The following C3orf33 variants were observed in gnomAD, a reference collection of about 807,000 sequenced individuals.
C3orf33 encodes the protein mitochondrial inner membrane subdomain organizer 1.
C3orf33 carries 23 observed loss-of-function variants against 28.7 expected under a neutral mutation model. The ratio of observed to expected loss-of-function variants is 0.80; its 90% CI spans 0.58 to 1.13. C3orf33 has a LOEUF of 1.13. C3orf33 is among the 50% of genes most tolerant of loss of function. C3orf33 has a pLI of 0.00. For missense variants in C3orf33, 327 were observed against 353.4 expected (o/e 0.93, Z 0.60); for synonymous variants, 119 against 120.5 (o/e 0.99, Z 0.08).
chr3:155,765,420 T>C (rs143636507), intron 4 of C3orf33, among the ~76,000 whole-genome samples: 1 of 152,378 alleles, frequency 6.6e-6, no homozygotes, highest in South Asian at 2.1e-4. Context: ...GCTACCTTTA[T>C]CATCGTCATA....
intron 2 of C3orf33, among the ~76,000 whole-genome samples, chr3:155,796,699 CCAGA>C (rs1299269087): frequency 6.6e-6 from 1 of 152,134 alleles, no homozygotes; most frequent in Non-Finnish European, 1.5e-5. Flanking sequence ...GATACCAAAA[CCAGA>C]CAAAGACACA....
At chr3:155,805,122 T>C in intron 1 of C3orf33, among the ~76,000 whole-genome samples, 1 of 146,788 alleles carries the variant, frequency 6.8e-6, no homozygotes, top group African/African-American at 2.5e-5. Flanking sequence ...AACATGTCCC[T>C]CTCTTGCTTC....
At chr3:155,795,856 T>TGA (rs1751461205) in intron 2 of C3orf33, among the ~76,000 whole-genome samples, 1 of 151,944 alleles carries the variant, frequency 6.6e-6, no homozygotes, top group South Asian at 2.1e-4. Context: ...ATCAGGAGGC[T>TGA]GAGGCAGAAG....
At chr3:155,788,062 G>T (rs544403763) in intron 2 of C3orf33, among the ~76,000 whole-genome samples, 1 of 151,832 alleles carries the variant, frequency 6.6e-6, no homozygotes, top group African/African-American at 2.4e-5. Flanking sequence ...GTGGTGGCGG[G>T]CGCCTGTAGT....
chr3:155,790,621 C>A (rs1233631325), intron 2 of C3orf33, among the ~76,000 whole-genome samples: 4 of 152,204 alleles, frequency 2.6e-5, no homozygotes, highest in Non-Finnish European at 5.9e-5. Context: ...CCCTTTGCAG[C>A]AGCTGCGTGG....
chr3:155,802,471 T>C (rs1182520700), intron 2 of C3orf33, 61 bp downstream of exon 2: 24 of 1,259,532 alleles, frequency 1.9e-5, no homozygotes, highest in Non-Finnish European at 2.8e-5. Context: ...ATAAAAATTG[T>C]CTGAAATGGA....
At chr3:155,777,497 G>C (rs1750789506) in intron 2 of C3orf33, among the ~76,000 whole-genome samples, 1 of 151,752 alleles carries the variant, frequency 6.6e-6, no homozygotes, top group South Asian at 2.1e-4. Flanking sequence ...CTGCAGCTCA[G>C]TGGCATAATC....
chr3:155,782,105 G>A (rs928316699), intron 2 of C3orf33, among the ~76,000 whole-genome samples: 1 of 149,522 alleles, frequency 6.7e-6, no homozygotes, highest in Non-Finnish European at 1.5e-5. Flanking sequence ...CAGCTACTCA[G>A]CAGGCTGAGC....
chr3:155,804,382 CAT>C (rs1051652384), intron 1 of C3orf33, among the ~76,000 whole-genome samples: 35 of 152,286 alleles, frequency 2.3e-4, no homozygotes, highest in African/African-American at 8.2e-4. Context: ...CCAATTAACA[CAT>C]ATATTATTTA....
chr3:155,764,804 C>T (rs779424860), intron 4 of C3orf33, among the ~76,000 whole-genome samples: 5 of 151,450 alleles, frequency 3.3e-5, no homozygotes, highest in Admixed American at 6.6e-5. Flanking sequence ...TGCAGTGAGC[C>T]GAGATCACAC....
At chr3:155,769,679 A>G (rs532839828) in intron 3 of C3orf33, among the ~76,000 whole-genome samples, 1 of 152,294 alleles carries the variant, frequency 6.6e-6, no homozygotes, top group South Asian at 2.1e-4. Flanking sequence ...CCAATCCTGT[A>G]ATGTTGCCAA....
chr3:155,773,607 T>C (rs1358530696), intron 3 of C3orf33, among the ~76,000 whole-genome samples: 1 of 152,226 alleles, frequency 6.6e-6, no homozygotes, highest in African/African-American at 2.4e-5. Context: ...ATTACATAAA[T>C]ACTTTATTAT....
At chr3:155,774,011 T>A (rs1750665897) in intron 3 of C3orf33, among the ~76,000 whole-genome samples, 1 of 152,200 alleles carries the variant, frequency 6.6e-6, no homozygotes, top group African/African-American at 2.4e-5. Context: ...TTTACAGTTG[T>A]ACATTATTGA....
At chr3:155,764,944 A>C (rs547978815) in intron 4 of C3orf33, among the ~76,000 whole-genome samples, 12 of 152,288 alleles carry the variant, frequency 7.9e-5, no homozygotes, top group African/African-American at 2.9e-4. Context: ...GTGTTAATAA[A>C]ATTTTGTTCC....
chr3:155,778,532 G>A lies in C3orf33; in HGVS notation c.175-2684C>T, dbSNP rs1021996443. ...ATCTAGGTGAAAGGAAAATGAATGT[G>A]ACAAAATTTTTTAGGAGAAAAAGTT... On this transcript the variant is annotated intron_variant, in intron 2 of 4. Transcript: ENST00000340171. 5.9e-5 allele frequency among the ~76,000 whole-genome samples: 9 copies of A among 152,270 alleles called. No individual in the cohort carries two copies. In the East Asian group the frequency reaches 1.7e-3, roughly 29 times the overall value.
rs944638492 is a variant in C3orf33 at position 155,775,796 on chromosome 3, T to C, written c.227A>G (p.Asn76Ser). 7 of 1,598,450 alleles carry C rather than the reference T, an allele frequency of 4.4e-6. No homozygotes were observed. Among genetic ancestry groups the C allele is most frequent in the Non-Finnish European group, 6.0e-6 (7 of 1,167,420 alleles). ...GCGTAATCGTCCACGTAGTTTAACA[T>C]TTCTTCTTATAAATTCTACTGGAAT... ...SDIPVEFIRR[N>S]VKLRGRLRRI... The change falls in exon 3 of 5, where the codon AAT becomes AGT. Residue 76 changes from asparagine (N) to serine (S), a missense_variant. Transcript: ENST00000340171.
chr3:155,768,582 GA>G (rs1444460107), intron 3 of C3orf33, among the ~76,000 whole-genome samples: 1 of 151,856 alleles, frequency 6.6e-6, no homozygotes, highest in African/African-American at 2.4e-5. Flanking sequence ...TCCAAAAAGG[GA>G]TAACAGCTGA....
At chr3:155,801,682 C>T (rs1751654749) in intron 2 of C3orf33, among the ~76,000 whole-genome samples, 1 of 151,864 alleles carries the variant, frequency 6.6e-6, no homozygotes, top group South Asian at 2.1e-4. Context: ...ATCATGGAGA[C>T]AGAAAATGGA....
intron 4 of C3orf33, among the ~76,000 whole-genome samples, chr3:155,766,817 G>C (rs1750418508): frequency 6.6e-6 from 1 of 152,082 alleles, no homozygotes. Context: ...AGGTGTGGTG[G>C]TGTGCACCTG....
Sources: gnomAD v4.1 joint callset for allele counts (sites outside exome capture counted in the v4.1 genomes callset) on GRCh38, gnomAD v4.1.1 for gene constraint, MANE v1.5 for transcripts, NCBI Gene and HGNC (gene_info 2026-07-23, HGNC 2026-07-21) for gene names.